NEBL: variants seen among roughly 807,000 people sequenced by gnomAD.
NEBL encodes the protein nebulette.
In NEBL, 122 loss-of-function variants were observed where a neutral mutation model predicts 140.2. That is an observed-to-expected ratio of 0.87 (90% CI 0.75 to 1.01). The LOEUF is 1.01. Ranked by LOEUF, NEBL falls within the 50% of genes least tolerant of loss-of-function variation. NEBL has a pLI of 0.00. For synonymous variants in NEBL, 436 were observed against 398.9 expected, an observed-to-expected ratio of 1.09 and a Z score of -1.11; for missense variants, 1,365 against 1,231.3, an observed-to-expected ratio of 1.11 and a Z score of -1.62.
At chr10:20,868,526 C>A in intron 7 of NEBL, 138 bp downstream of exon 7, 1 of 736,304 alleles carries the variant, frequency 1.4e-6, no homozygotes, top group Admixed American at 2.0e-5. Flanking sequence ...ATTGCAAGCC[C>A]ATCTGAACTG....
chr10:20,945,378 A>G (rs1170384660), intron 4 of NEBL, among the ~76,000 whole-genome samples: 3 of 152,182 alleles, frequency 2.0e-5, no homozygotes, highest in Non-Finnish European at 4.4e-5. Context: ...CTGTGCTTAG[A>G]TCTTGTACCC....
chr10:20,799,893 T>G (rs113067010), intron 26 of NEBL, among the ~76,000 whole-genome samples: 5 of 152,176 alleles, frequency 3.3e-5, no homozygotes, highest in East Asian at 1.9e-4. Flanking sequence ...GTTACTATAG[T>G]GAAGCAAATT....
In NEBL at chr10:20,823,664, T is replaced by C. The variant is rs1027644882; in HGVS notation, c.1870-364A>G. On this transcript the variant is annotated intron_variant, in intron 18 of 27. Coordinates refer to ENST00000377122, the MANE Select transcript of NEBL (RefSeq NM_006393.3). Reference sequence around the variant, plus strand: ...AATCAGTTTCTATTAATATGGTAATTAAAATTTAACAAGTATTTAAAGGCA... The same window carrying C: ...AATCAGTTTCTATTAATATGGTAATCAAAATTTAACAAGTATTTAAAGGCA... 3.9e-5 allele frequency among the ~76,000 whole-genome samples: 6 copies of C among 152,174 alleles called. No individual in the cohort carries two copies. The South Asian group carries it at 1.2e-3, about 32-fold the overall frequency.
intron 3 of NEBL, among the ~76,000 whole-genome samples, chr10:21,006,171 T>C (rs986668176): frequency 3.3e-5 from 5 of 152,180 alleles, no homozygotes; most frequent in Non-Finnish European, 7.3e-5. Context: ...AAAATGTAAC[T>C]CACTATTCTC....
At chr10:20,963,003 A>AACACACACACAC (rs35031266) in intron 3 of NEBL, among the ~76,000 whole-genome samples, 66 of 143,312 alleles carry the variant, frequency 4.6e-4, no homozygotes, top group Middle Eastern at 3.5e-3. Context: ...TTGAAAGAAA[A>AACACACACACAC]ACACACACAC....
intron 3 of NEBL, among the ~76,000 whole-genome samples, chr10:21,007,979 G>A (rs1451680054): frequency 6.6e-6 from 1 of 152,194 alleles, no homozygotes; most frequent in African/African-American, 2.4e-5. Context: ...GCAATAAGGT[G>A]ACTGTTAGAG....
rs537138323 is a variant in NEBL, at chr10:21,060,196, C to T, written c.165-39995G>A. ...AAAGAGACAGTACAGCTGATTAAGC[C>T]TCTCAGTGTAAAGCACAGATGGAGA... On this transcript the variant is annotated intron_variant, in intron 2 of 6. Transcript: ENST00000417816. Among the ~76,000 whole-genome samples the T allele has an allele frequency of 3.3e-5, 5 of 152,286 alleles. No homozygotes were observed. In the South Asian group the frequency reaches 1.0e-3, roughly 32 times the overall value.
At chr10:20,973,458 C>A (rs894929454) in intron 3 of NEBL, among the ~76,000 whole-genome samples, 1 of 152,084 alleles carries the variant, frequency 6.6e-6, no homozygotes, top group African/African-American at 2.4e-5. Flanking sequence ...CTATATTTCC[C>A]AGGCTGGTCT....
At chr10:21,167,015 G>A (rs1254511013) in intron 2 of NEBL, among the ~76,000 whole-genome samples, 1 of 152,190 alleles carries the variant, frequency 6.6e-6, no homozygotes, top group East Asian at 1.9e-4. Flanking sequence ...GACCAGCAGC[G>A]AAATGGTACG....
chr10:20,985,115 A>G (rs930732805), intron 3 of NEBL, among the ~76,000 whole-genome samples: 4 of 152,198 alleles, frequency 2.6e-5, no homozygotes, highest in African/African-American at 9.6e-5. Flanking sequence ...TTACAATGTA[A>G]TAATAGACAT....
At chr10:21,020,307 G>A in intron 2 of NEBL, 1 of 941,784 alleles carries the variant, frequency 1.1e-6, no homozygotes, top group South Asian at 1.3e-5. Context: ...CCCCATCACA[G>A]TGGAAGAGGG....
intron 2 of NEBL, among the ~76,000 whole-genome samples, chr10:21,118,897 T>C (rs1564517531): frequency 6.6e-6 from 1 of 152,132 alleles, no homozygotes; most frequent in African/African-American, 2.4e-5. Context: ...AGTGACATCC[T>C]AAACACAAAG....
At chr10:21,237,151 A>G (rs1012560955) in intron 3 of NEBL, among the ~76,000 whole-genome samples, 6 of 152,168 alleles carry the variant, frequency 3.9e-5, no homozygotes, top group Non-Finnish European at 7.3e-5. Flanking sequence ...AATCCTGTCA[A>G]AGCCTGTTTC....
chr10:20,988,715 T>C (rs752013245), intron 3 of NEBL, among the ~76,000 whole-genome samples: 13 of 152,232 alleles, frequency 8.5e-5, no homozygotes, highest in Non-Finnish European at 1.2e-4. Context: ...GATTCACAGC[T>C]TTGACTTCTC....
intron 4 of NEBL, among the ~76,000 whole-genome samples, chr10:20,939,805 C>G (rs573802641): frequency 6.2e-4 from 94 of 152,264 alleles, no homozygotes; most frequent in African/African-American, 1.9e-3. Flanking sequence ...ATAAAGCAGA[C>G]TTTAAATGAA....
At chr10:20,913,978 G>C (rs1471790376) in intron 4 of NEBL, among the ~76,000 whole-genome samples, 1 of 152,086 alleles carries the variant, frequency 6.6e-6, no homozygotes, top group East Asian at 1.9e-4. Context: ...CTCATCAATA[G>C]AGCTATAGCA....
chr10:20,989,839 G>A (rs937644444), intron 3 of NEBL, among the ~76,000 whole-genome samples: 1 of 152,078 alleles, frequency 6.6e-6, no homozygotes, highest in African/African-American at 2.4e-5. Flanking sequence ...TTGGGGGGTG[G>A]GCTGTGGATA....
chr10:21,101,632 T>C (rs1241181124), intron 2 of NEBL, among the ~76,000 whole-genome samples: 1 of 152,242 alleles, frequency 6.6e-6, no homozygotes, highest in Non-Finnish European at 1.5e-5. Flanking sequence ...TAAGCCACTG[T>C]TGTTTGGCTT....
At chr10:20,875,994 C>A (rs937550813) in intron 5 of NEBL, among the ~76,000 whole-genome samples, 1 of 152,282 alleles carries the variant, frequency 6.6e-6, no homozygotes, top group African/African-American at 2.4e-5. Context: ...GAGAAGCCCT[C>A]CAGGTATCAT....
Sources: allele counts gnomAD v4.1 joint callset (sites outside exome capture counted in the v4.1 genomes callset), GRCh38; gene constraint gnomAD v4.1.1; transcripts MANE v1.5; gene names NCBI Gene and HGNC (gene_info 2026-07-23, HGNC 2026-07-21).